The following SLC9A7 variants were observed in gnomAD, a reference collection of about 807,000 sequenced individuals.
SLC9A7 encodes the protein sodium/hydrogen exchanger 7.
A neutral mutation model predicts 52.6 loss-of-function variants in SLC9A7; 19 were observed. That is an observed-to-expected ratio of 0.36 (90% CI 0.25 to 0.53). The LOEUF is 0.53. Ranked by LOEUF, SLC9A7 falls within the 20% of genes least tolerant of loss-of-function variation. SLC9A7 has a pLI of 0.91. For synonymous variants in SLC9A7, 226 were observed against 252.1 expected (o/e 0.90, Z 0.98); for missense variants, 455 against 597.9 (o/e 0.76, Z 2.49).
intron 13 of SLC9A7, 76 bp from the exon 14 acceptor site, chrX:46,631,725 CAAGT>C: frequency 1.2e-6 from 1 of 803,368 alleles, no homozygotes; most frequent in African/African-American, 2.0e-5. Flanking sequence ...ATGCAGGCTG[CAAGT>C]AGCCTGGAGG....
At chrX:46,701,158 T>C (rs1292735235) in intron 1 of SLC9A7, among the ~76,000 whole-genome samples, 1 of 111,853 alleles carries the variant, frequency 8.9e-6, no homozygotes, top group Non-Finnish European at 1.9e-5. Flanking sequence ...ATGTTATGTT[T>C]AGAAGTTTTA....
intron 1 of SLC9A7, among the ~76,000 whole-genome samples, chrX:46,690,321 A>C (rs1488408293): frequency 1.8e-5 from 2 of 112,122 alleles, no homozygotes; most frequent in African/African-American, 6.5e-5. Flanking sequence ...TTAAATTTGC[A>C]TTTCCCTAAT....
intron 3 of SLC9A7, among the ~76,000 whole-genome samples, chrX:46,675,982 CG>C (rs1944112340): frequency 8.9e-6 from 1 of 112,235 alleles, no homozygotes; most frequent in Admixed American, 9.4e-5. Context: ...GGTGGTGTCC[CG>C]GGAGGGCATG....
intron 7 of SLC9A7, among the ~76,000 whole-genome samples, chrX:46,655,703 C>A (rs919817241): frequency 8.9e-6 from 1 of 112,915 alleles, no homozygotes; most frequent in Non-Finnish European, 1.9e-5. Flanking sequence ...ATATCCCGCA[C>A]ATGGCTTGGA....
chrX:46,737,838 G>A (rs779293853), intron 1 of SLC9A7, among the ~76,000 whole-genome samples: 47 of 109,220 alleles, frequency 4.3e-4, no homozygotes, highest in African/African-American at 1.5e-3. Context: ...ACCAGCCTGG[G>A]CAATATAGTG....
In SLC9A7 at chrX:46,603,833, C is replaced by A. The variant is rs1942698516; in HGVS notation, c.*3119G>T. 1.1e-5 allele frequency: 1 copy of A among 93,498 alleles called. No individual in the cohort carries two copies. Among genetic ancestry groups the A allele is most frequent in the Non-Finnish European group, 2.0e-5 (1 of 50,277 alleles). 7.7% of individuals were successfully genotyped at this position (93,498 alleles called of 1,213,427 possible). ...CAGCCTGGGGGATAGAGCGAGACTC[C>A]ATCTAAAAACAAAACAAAACAAAAC... On this transcript the variant is annotated 3_prime_UTR_variant, in exon 17 of 17. Transcript: ENST00000616978.
rs187948442 is a variant in SLC9A7 at position 46,707,316 on chromosome X, C to T, written c.326-24781G>A. On this transcript the variant is annotated intron_variant, in intron 1 of 16. Coordinates refer to ENST00000616978, the MANE Select transcript of SLC9A7 (RefSeq NM_001257291.2). ...CCGTTCTCACAAAGGACATGAAATC[C>T]ATTTTAGAACTAATTAAGGATCTGA... Among the ~76,000 whole-genome samples the T allele has an allele frequency of 2.8e-3, 316 of 112,109 alleles. 1 individual carries two copies. Among genetic ancestry groups the T allele is most frequent in the African/African-American group, 9.8e-3 (304 of 30,879 alleles).
intron 11 of SLC9A7, chrX:46,646,538 G>A: frequency 5.0e-6 from 1 of 199,268 alleles, no homozygotes; most frequent in Admixed American, 5.8e-5. Context: ...GGGAGGGGCA[G>A]AGGAAGGGAC....
chrX:46,612,850 G>A (rs1412558406), intron 16 of SLC9A7, among the ~76,000 whole-genome samples: 1 of 101,818 alleles, frequency 9.8e-6, no homozygotes, highest in Non-Finnish European at 2.0e-5. Context: ...GCTTGAACCC[G>A]GGAGGCATAG....
At chrX:46,678,603 A>AT (rs908569390) in intron 3 of SLC9A7, among the ~76,000 whole-genome samples, 12 of 108,156 alleles carry the variant, frequency 1.1e-4, no homozygotes, top group African/African-American at 4.0e-4. Context: ...TGCCCAGCTA[A>AT]TTTTTTTGCT....
In SLC9A7 at chrX:46,607,124, G is replaced by A. The variant is rs772756923; in HGVS notation, c.2009C>T (p.Thr670Ile). Residue 670 changes from threonine to isoleucine, a missense_variant, in exon 17 of 17, where the codon ACA becomes ATA. This residue lies in a region of SLC9A7 where 146 missense variants were observed against 160.5 expected (regional missense o/e 0.91). Transcript: ENST00000616978. ...GDLTLTYGDS[T>I]VTANGSSSSH... ...ACTTGAGGAGCCATTTGCAGTCACT[G>A]TGCTGTCCCCGTAGGTCAATGTCAG... 7 of 1,209,468 alleles carry A rather than the reference G, an allele frequency of 5.8e-6. No individual in the cohort carries two copies. Among genetic ancestry groups the A allele is most frequent in the Non-Finnish European group, 7.8e-6 (7 of 894,982 alleles).
chrX:46,653,491 A>C (rs1465085021), intron 8 of SLC9A7, 118 bp downstream of exon 8: 1 of 448,688 alleles, frequency 2.2e-6, no homozygotes. Context: ...CCATACGGAC[A>C]CTTGCTGAAC....
intron 14 of SLC9A7, among the ~76,000 whole-genome samples, chrX:46,626,389 C>T (rs1334787700): frequency 1.8e-5 from 2 of 111,783 alleles, no homozygotes; most frequent in Non-Finnish European, 3.8e-5. Flanking sequence ...ATTCTCCTGC[C>T]TCAGCCTTCC....
At chrX:46,653,759 G>A in intron 7 of SLC9A7, 45 bp from the exon 8 acceptor site, 1 of 1,020,604 alleles carries the variant, frequency 9.8e-7, no homozygotes, top group Non-Finnish European at 1.4e-6. Context: ...CATGTATCAG[G>A]GCCACCAAGA....
At chrX:46,754,687 G>A (rs72616710) in intron 1 of SLC9A7, among the ~76,000 whole-genome samples, 2 of 28,592 alleles carry the variant, frequency 7.0e-5, no homozygotes, top group Non-Finnish European at 1.0e-4. Context: ...GAAAGGTGAT[G>A]GGGTGGTGGA....
At chrX:46,613,150 G>C (rs2146678563) in intron 16 of SLC9A7, 139 bp downstream of exon 16, 4 of 358,266 alleles carry the variant, frequency 1.1e-5, no homozygotes, top group Non-Finnish European at 1.9e-5. Flanking sequence ...ACATATGGAA[G>C]ATGGCCATTT....
At chrX:46,607,866 C>T (rs980465549) in intron 16 of SLC9A7, among the ~76,000 whole-genome samples, 1 of 112,067 alleles carries the variant, frequency 8.9e-6, no homozygotes, top group Non-Finnish European at 1.9e-5. Context: ...GGACCTTCTT[C>T]CTCCAATAGA....
intron 1 of SLC9A7, among the ~76,000 whole-genome samples, chrX:46,693,020 C>T (rs1015618915): frequency 1.8e-5 from 2 of 111,284 alleles, no homozygotes; most frequent in Non-Finnish European, 3.8e-5. Flanking sequence ...TGTACAAATA[C>T]TCGTTCTGTG....
At chrX:46,697,369 G>A (rs1166539646) in intron 1 of SLC9A7, among the ~76,000 whole-genome samples, 2 of 112,031 alleles carry the variant, frequency 1.8e-5, no homozygotes, top group East Asian at 2.8e-4. Flanking sequence ...TAATTAGCTC[G>A]AGTTATGTTG....
Sources: gnomAD v4.1 joint callset for allele counts (sites outside exome capture counted in the v4.1 genomes callset) on GRCh38, gnomAD v4.1.1 for gene constraint, gnomAD v4.1.1 regional missense constraint, MANE v1.5 for transcripts, NCBI Gene and HGNC (gene_info 2026-07-23, HGNC 2026-07-21) for gene names.